The following CTNNA3 variants were observed in gnomAD, a reference collection of about 807,000 sequenced individuals.
CTNNA3 encodes catenin alpha-3.
A neutral mutation model predicts 95.7 loss-of-function variants in CTNNA3; 76 were observed. The ratio of observed to expected loss-of-function variants is 0.79; its 90% CI spans 0.66 to 0.96. The LOEUF is 0.96. Among genes scored for constraint, CTNNA3 ranks in the 40% least tolerant of loss-of-function variants. The probability of loss-of-function intolerance (pLI) is 0.00; values close to 1 mark genes in which losing one functional copy is unlikely to be tolerated. For missense variants in CTNNA3, 1,191 were observed against 1,089.8 expected, an observed-to-expected ratio of 1.09 and a Z score of -1.31; for synonymous variants, 431 against 374.4, an observed-to-expected ratio of 1.15 and a Z score of -1.74.
At chr10:67,394,895 A>C (rs1844658896) in intron 5 of CTNNA3, among the ~76,000 whole-genome samples, 1 of 152,256 alleles carries the variant, frequency 6.6e-6, no homozygotes, top group African/African-American at 2.4e-5. Flanking sequence ...TAAATCAAAA[A>C]TTCTATAAAA....
At chr10:65,952,489 T>C (rs2077639637) in intron 17 of CTNNA3, among the ~76,000 whole-genome samples, 1 of 152,156 alleles carries the variant, frequency 6.6e-6, no homozygotes. Context: ...TTCTCTCCCT[T>C]CCACTTCATA....
At chr10:67,473,807 G>A (rs1318395034) in intron 5 of CTNNA3, among the ~76,000 whole-genome samples, 1 of 152,152 alleles carries the variant, frequency 6.6e-6, no homozygotes, top group Non-Finnish European at 1.5e-5. Context: ...GTAATCTAGA[G>A]ATGATTTAAG....
intron 5 of CTNNA3, among the ~76,000 whole-genome samples, chr10:67,435,442 C>T (rs1285215147): frequency 1.3e-5 from 2 of 152,032 alleles, no homozygotes; most frequent in African/African-American, 2.4e-5. Context: ...CTCACTGCTC[C>T]TCTTCAACAT....
At chr10:67,109,519 A>G (rs1019325401) in intron 7 of CTNNA3, among the ~76,000 whole-genome samples, 5 of 152,220 alleles carry the variant, frequency 3.3e-5, no homozygotes, top group African/African-American at 1.2e-4. Context: ...TTCAGCAACC[A>G]GTTCAAGGCA....
At chr10:66,625,918 C>G (rs1324685376) in intron 9 of CTNNA3, among the ~76,000 whole-genome samples, 1 of 151,994 alleles carries the variant, frequency 6.6e-6, no homozygotes, top group East Asian at 1.9e-4. Context: ...AGGCTTGAAA[C>G]AAAAGGATGA....
chr10:66,607,996 G>T (rs1271872188), intron 10 of CTNNA3, among the ~76,000 whole-genome samples: 1 of 151,948 alleles, frequency 6.6e-6, no homozygotes, highest in Non-Finnish European at 1.5e-5. Flanking sequence ...ACAGGAAGAG[G>T]GAAAGTTAAG....
At chr10:67,326,853 G>A (rs1043140055) in intron 5 of CTNNA3, among the ~76,000 whole-genome samples, 15 of 152,062 alleles carry the variant, frequency 9.9e-5, no homozygotes, top group African/African-American at 2.9e-4. Context: ...CTCTTTCAGG[G>A]ACAAAAATGA....
chr10:65,950,197 A>G (rs1307382294), intron 17 of CTNNA3, among the ~76,000 whole-genome samples: 1 of 152,074 alleles, frequency 6.6e-6, no homozygotes, highest in African/African-American at 2.4e-5. Flanking sequence ...CACAGTTTTT[A>G]TCCTGTGACT....
chr10:67,006,201 G>A lies in CTNNA3; in HGVS notation c.1047+174116C>T, dbSNP rs115173588. On this transcript the variant is annotated intron_variant, in intron 7 of 17. Coordinates refer to ENST00000433211, the MANE Select transcript of CTNNA3 (RefSeq NM_013266.4). ...GTGAAGCCACAAAGTCACAGAGACA[G>A]GAAGTGGCAGAGTCAGGATTTAAGT... Among the ~76,000 whole-genome samples, 866 of 152,182 alleles carry A rather than the reference G, an allele frequency of 5.7e-3. 6 individuals carry two copies. Among genetic ancestry groups the A allele is most frequent in the African/African-American group, 0.02 (821 of 41,526 alleles).
chr10:66,472,225 A>ATT (rs879369705), intron 11 of CTNNA3, among the ~76,000 whole-genome samples: 12 of 147,952 alleles, frequency 8.1e-5, no homozygotes, highest in African/African-American at 2.7e-4. Context: ...ATGAATTTAG[A>ATT]TTTTTTTTTT....
intron 5 of CTNNA3, among the ~76,000 whole-genome samples, chr10:67,297,031 T>C (rs1050614968): frequency 1.3e-5 from 2 of 151,570 alleles, no homozygotes; most frequent in African/African-American, 4.9e-5. Flanking sequence ...AGATCAGCTT[T>C]GTAGAGGAAA....
chr10:66,552,869 G>C (rs1028965385), intron 10 of CTNNA3, among the ~76,000 whole-genome samples: 1 of 149,594 alleles, frequency 6.7e-6, no homozygotes, highest in African/African-American at 2.5e-5. Context: ...CTTTTTTTCC[G>C]TTTAGCCTAT....
chr10:66,963,372 T>G (rs1405509137), intron 7 of CTNNA3, among the ~76,000 whole-genome samples: 1 of 152,156 alleles, frequency 6.6e-6, no homozygotes, highest in African/African-American at 2.4e-5. Context: ...GTATGGAAAA[T>G]GTGATTATAT....
At chr10:67,393,246 A>G (rs1035821902) in intron 5 of CTNNA3, among the ~76,000 whole-genome samples, 1 of 152,132 alleles carries the variant, frequency 6.6e-6, no homozygotes, top group African/African-American at 2.4e-5. Context: ...GGATCATATT[A>G]TTACTCATAC....
At chr10:67,569,322 C>G (rs1039210616) in intron 3 of CTNNA3, among the ~76,000 whole-genome samples, 2 of 152,100 alleles carry the variant, frequency 1.3e-5, no homozygotes, top group East Asian at 3.9e-4. Flanking sequence ...ATTTGAGTTA[C>G]TTGATATGCT....
intron 9 of CTNNA3, among the ~76,000 whole-genome samples, chr10:66,677,596 T>C (rs1032699612): frequency 5.9e-5 from 9 of 152,116 alleles, no homozygotes; most frequent in African/African-American, 2.2e-4. Context: ...GTTTTCATGA[T>C]AGTGAATAAG....
At chr10:67,717,601 C>T (rs1841151902) in intron 1 of CTNNA3, among the ~76,000 whole-genome samples, 1 of 152,110 alleles carries the variant, frequency 6.6e-6, no homozygotes, top group Non-Finnish European at 1.5e-5. Flanking sequence ...TTGTTTTTGT[C>T]GGGTTTGTCA....
chr10:67,168,372 C>A (rs915562363), intron 7 of CTNNA3, among the ~76,000 whole-genome samples: 6 of 152,014 alleles, frequency 3.9e-5, no homozygotes, highest in Non-Finnish European at 7.4e-5. Flanking sequence ...AATATCAAGA[C>A]AAAAGCCCTC....
intron 5 of CTNNA3, among the ~76,000 whole-genome samples, chr10:67,311,223 A>G (rs1378920150): frequency 6.6e-6 from 1 of 152,186 alleles, no homozygotes; most frequent in Non-Finnish European, 1.5e-5. Flanking sequence ...GCAGAAAATG[A>G]ATTAATAATG....
Sources: allele counts gnomAD v4.1 joint callset (sites outside exome capture counted in the v4.1 genomes callset), GRCh38; gene constraint gnomAD v4.1.1; transcripts MANE v1.5; gene names NCBI Gene and HGNC (gene_info 2026-07-23, HGNC 2026-07-21).